LSM1: variants seen among roughly 807,000 people sequenced by gnomAD.
LSM1 encodes the protein U6 snRNA-associated Sm-like protein LSm1.
In LSM1, 13 loss-of-function variants were observed where a neutral mutation model predicts 18.0. The ratio of observed to expected loss-of-function variants is 0.72; its 90% CI spans 0.47 to 1.15. LSM1 has a LOEUF of 1.15. Among genes scored for constraint, LSM1 ranks in the 50% most tolerant of loss-of-function variants. The pLI is 0.00. For synonymous variants in LSM1, 46 were observed against 56.0 expected, an observed-to-expected ratio of 0.82 and a Z score of 0.80; for missense variants, 152 against 157.7, an observed-to-expected ratio of 0.96 and a Z score of 0.19.
intron 1 of LSM1, 137 bp from the exon 2 acceptor site, chr8:38,172,170 GAA>G: frequency 1.7e-6 from 1 of 574,868 alleles, no homozygotes; most frequent in Non-Finnish European, 2.9e-6. Flanking sequence ...TTGGAAAACT[GAA>G]AAAAGCAGCA....
chr8:38,174,663 A>G (rs866647072), intron 1 of LSM1, among the ~76,000 whole-genome samples: 2 of 152,276 alleles, frequency 1.3e-5, no homozygotes, highest in Non-Finnish European at 1.5e-5. Flanking sequence ...ATAGATGTTA[A>G]TATATATTTA....
chr8:38,172,106 GT>G, intron 1 of LSM1, 73 bp from the exon 2 acceptor site: 1 of 1,053,202 alleles, frequency 9.5e-7, no homozygotes, highest in Non-Finnish European at 1.5e-6. Flanking sequence ...ATAATTAACA[GT>G]TTAAGCTGTA....
chr8:38,173,622 A>T (rs559269742), intron 1 of LSM1, among the ~76,000 whole-genome samples: 8 of 152,192 alleles, frequency 5.3e-5, no homozygotes, highest in Non-Finnish European at 1.2e-4. Flanking sequence ...TGAGGTAAAG[A>T]TGTAGGAGTT....
Position 38,163,451 on chromosome 8 carries a change from AAG to A in LSM1, c.*217_*218del, listed in dbSNP as rs1434648624. The A allele has an allele frequency of 2.2e-6, 1 of 460,094 alleles. No individual in the cohort carries two copies. Among genetic ancestry groups the A allele is most frequent in the Non-Finnish European group, 3.9e-6 (1 of 259,056 alleles). 28.5% of individuals were successfully genotyped at this position (460,094 alleles called of 1,614,324 possible). On this transcript the variant is annotated 3_prime_UTR_variant, in exon 4 of 4. Coordinates refer to ENST00000311351, the MANE Select transcript of LSM1 (RefSeq NM_014462.3). Reference sequence around the variant, plus strand: ...GTTGCTGGTGCCACAGTGATGTGTGAAGGAGTCTATGCCACTGTTTCTTTAAA... The same window carrying A: ...GTTGCTGGTGCCACAGTGATGTGTGAGAGTCTATGCCACTGTTTCTTTAAA...
At position 38,172,782 on chromosome 8, in the gene LSM1, G is replaced by A. The variant is rs537174267; in HGVS notation, c.47-749C>T. Reference sequence around the variant, plus strand: ...CACATTTTGTTTGTAACCATAGAAGGCTTTAAATAAAAACACAATGCTTCA... The same window carrying A: ...CACATTTTGTTTGTAACCATAGAAGACTTTAAATAAAAACACAATGCTTCA... On this transcript the variant is annotated intron_variant, in intron 1 of 3. Transcript: ENST00000311351. Among the ~76,000 whole-genome samples, 184 of 152,242 alleles carry A rather than the reference G, an allele frequency of 1.2e-3. 1 individual carries two copies. The highest frequency in any genetic ancestry group is 2.3e-3 in the Admixed American group (35 of 15,294).
intron 1 of LSM1, among the ~76,000 whole-genome samples, chr8:38,173,598 G>C (rs1227005257): frequency 1.3e-5 from 2 of 152,114 alleles, no homozygotes; most frequent in African/African-American, 4.8e-5. Flanking sequence ...TGAGAGGGTG[G>C]GGTGCTGAAG....
Position 38,176,448 on chromosome 8 carries a change from G to A in LSM1, c.-128C>T, listed in dbSNP as rs539578368. 19 of 734,912 alleles carry A rather than the reference G, an allele frequency of 2.6e-5. No homozygotes were observed. Among genetic ancestry groups the A allele is most frequent in the Non-Finnish European group, 4.3e-5 (19 of 442,814 alleles). The allele number at this position is 734,912 out of a possible 1,614,324, so 45.5% of individuals were successfully genotyped here. On this transcript the variant is annotated 5_prime_UTR_variant, in exon 1 of 4. Transcript: ENST00000311351. ...AATCCCGACCGAGACCAGCACTTCT[G>A]CCCCGGCTTTCAGCCGCCGGGGGCT...
chr8:38,173,373 G>C (rs2130647809), intron 1 of LSM1, among the ~76,000 whole-genome samples: 1 of 152,030 alleles, frequency 6.6e-6, no homozygotes, highest in East Asian at 1.9e-4. Context: ...GATAGGAAGG[G>C]GGCGGGGGGG....
Position 38,176,075 on chromosome 8 carries a change from G to A in LSM1, c.46+200C>T, listed in dbSNP as rs1803133479. 13 of 493,670 alleles carry A rather than the reference G, an allele frequency of 2.6e-5. No individual in the cohort carries two copies. In the East Asian group the frequency reaches 3.4e-4, roughly 13 times the overall value. 30.6% of individuals were successfully genotyped at this position (493,670 alleles called of 1,614,324 possible). The stretch of plus-strand genomic sequence containing the variant: ...TAGAGGGCTGGCGGAGGCTGCGAGG[G>A]GCAGAAGTAGCAGCAGGCTACTGGG... On this transcript the variant is annotated intron_variant, in intron 1 of 3. Transcript: ENST00000311351.
At chr8:38,173,987 A>C (rs959148444) in intron 1 of LSM1, among the ~76,000 whole-genome samples, 2 of 152,200 alleles carry the variant, frequency 1.3e-5, no homozygotes, top group Non-Finnish European at 2.9e-5. Flanking sequence ...AGAGAAGAGA[A>C]TTAAAGAATC....
At chr8:38,166,859 G>A (rs1802940140) in intron 3 of LSM1, among the ~76,000 whole-genome samples, 1 of 152,220 alleles carries the variant, frequency 6.6e-6, no homozygotes. Context: ...TCGGCCTAAT[G>A]CACTGCCTCT....
At chr8:38,176,692 C>T, upstream of LSM1, 1 of 781,082 alleles carries the variant, frequency 1.3e-6, no homozygotes. Flanking sequence ...CCCAGAGTCA[C>T]TGACCTCCGT....
At chr8:38,169,468 A>C (rs896658060) in intron 3 of LSM1, among the ~76,000 whole-genome samples, 2 of 152,206 alleles carry the variant, frequency 1.3e-5, no homozygotes, top group Non-Finnish European at 2.9e-5. Context: ...CTTCCCTGAA[A>C]TACTGTGCAT....
chr8:38,171,997 A>T lies in LSM1; in HGVS notation c.83T>A (p.Leu28His). The change falls in exon 2 of 4, where the codon CTT becomes CAT. Residue 28 changes from leucine (L) to histidine (H), a missense_variant. Leu to His is a moderately conservative substitution (Grantham distance 99). Coordinates refer to ENST00000311351, the MANE Select transcript of LSM1 (RefSeq NM_014462.3). ...HLVLLRDGRT[L>H]IGFLRSIDQF... is the part of the protein sequence containing the mutation. ...ATCAATGCTTCTTAAAAAGCCTATA[A>T]GTGTCCTTCCATCTCGAAGCAGAAC... 1 of 1,612,604 alleles carries T rather than the reference A, an allele frequency of 6.2e-7. No homozygotes were observed. Among genetic ancestry groups the T allele is most frequent in the Non-Finnish European group, 8.5e-7 (1 of 1,179,574 alleles).
At chr8:38,171,721 A>G (rs1453268354) in intron 2 of LSM1, among the ~76,000 whole-genome samples, 1 of 152,186 alleles carries the variant, frequency 6.6e-6, no homozygotes, top group Admixed American at 6.6e-5. Flanking sequence ...TATTTCTATC[A>G]TTTGGCTCCC....
At chr8:38,170,635 C>G (rs887633640) in intron 2 of LSM1, among the ~76,000 whole-genome samples, 4 of 152,122 alleles carry the variant, frequency 2.6e-5, no homozygotes, top group African/African-American at 9.7e-5. Context: ...ATGTGATGAT[C>G]TGCTGAAGAT....
At position 38,173,091 on chromosome 8, in the gene LSM1, G is replaced by C. The variant is rs532180335; in HGVS notation, c.47-1058C>G. Among the ~76,000 whole-genome samples the C allele has an allele frequency of 7.9e-5, 12 of 152,320 alleles. No homozygotes were observed. The South Asian group carries it at 2.3e-3, about 29-fold the overall frequency. On this transcript the variant is annotated intron_variant, in intron 1 of 3. Coordinates refer to ENST00000311351, the MANE Select transcript of LSM1 (RefSeq NM_014462.3). ...AAAGCCTCTCTGAAGAGGTGACTTT[G>C]AGCTGACACTGAAGAATGAAAATAA... is the stretch of plus-strand genomic sequence containing the variant.
At chr8:38,175,644 G>C (rs1563276680) in intron 1 of LSM1, among the ~76,000 whole-genome samples, 1 of 150,646 alleles carries the variant, frequency 6.6e-6, no homozygotes, top group Non-Finnish European at 1.5e-5. Context: ...GGTCTTCTTA[G>C]TAAAAGCAAA....
chr8:38,172,178 C>CAAA (rs752387751), intron 1 of LSM1, 145 bp from the exon 2 acceptor site: 20,372 of 537,372 alleles, frequency 0.038, 1,659 homozygotes, highest in African/African-American at 0.16. Context: ...CTGAAAAAAG[C>CAAA]AGCACAGCAA....
Sources: gnomAD v4.1 joint callset for allele counts (sites outside exome capture counted in the v4.1 genomes callset) on GRCh38, gnomAD v4.1.1 for gene constraint, MANE v1.5 for transcripts, NCBI Gene and HGNC (gene_info 2026-07-23, HGNC 2026-07-21) for gene names.